SLC41A2: variants seen among roughly 807,000 people sequenced by gnomAD.
The protein encoded by SLC41A2 is solute carrier family 41 member 2, also known as SLC41A1-like 1.
Under a neutral mutation model 58.3 loss-of-function variants are expected in SLC41A2, and 32 were observed. That is an observed-to-expected ratio of 0.55 (90% CI 0.41 to 0.74). The LOEUF is 0.74. SLC41A2 is among the 30% of genes least tolerant of loss of function. The pLI is 0.00. For missense variants in SLC41A2, 514 were observed against 680.6 expected (o/e 0.76, Z 2.72); for synonymous variants, 190 against 235.0 (o/e 0.81, Z 1.75).
rs2043203898 is a variant in SLC41A2 at position 104,861,316 on chromosome 12, A to G, written c.1230T>C (p.Ile410=). 1 of 1,613,380 alleles carries G rather than the reference A, an allele frequency of 6.2e-7. No homozygotes were observed. The highest frequency in any genetic ancestry group is 1.3e-5 in the African/African-American group (1 of 75,028). ...CATTAATAACTGGCGTGTAAACAAC[A>G]ATCCCAACCAAGTTTGGGTCTGATA... ...TTVSDPNLVG[I]VVYTPVINGI... Residue 410 remains isoleucine (I), a synonymous_variant, in exon 8 of 11, where the codon ATT becomes ATC. Coordinates refer to ENST00000258538, the MANE Select transcript of SLC41A2 (RefSeq NM_001352171.3).
chr12:104,876,381 G>T (rs1273505552), intron 6 of SLC41A2, among the ~76,000 whole-genome samples: 1 of 151,942 alleles, frequency 6.6e-6, no homozygotes, highest in Non-Finnish European at 1.5e-5. Flanking sequence ...CTTTCTAAAT[G>T]CAGGTGTTTA....
In SLC41A2 at chr12:104,917,483, C is replaced by T. The variant is rs866434638; in HGVS notation, c.556-7721G>A. Among the ~76,000 whole-genome samples, 897 of 151,930 alleles carry T rather than the reference C, an allele frequency of 5.9e-3. 17 individuals are homozygous for T. Among genetic ancestry groups the T allele is most frequent in the African/African-American group, 0.02 (844 of 41,412 alleles). On this transcript the variant is annotated intron_variant, in intron 2 of 10. Coordinates refer to ENST00000258538, the MANE Select transcript of SLC41A2 (RefSeq NM_001352171.3). ...AGCCATCCCATTACTGGGTATATAC[C>T]CAAAGGACTATAAATCATGCTGCTA... is the stretch of plus-strand genomic sequence containing the variant.
intron 3 of SLC41A2, among the ~76,000 whole-genome samples, chr12:104,901,169 T>A (rs1322267132): frequency 6.6e-6 from 1 of 152,202 alleles, no homozygotes; most frequent in Non-Finnish European, 1.5e-5. Flanking sequence ...CTAGGTGATT[T>A]GCTCCTGGGA....
chr12:104,855,380 CAG>C (rs2042982282), intron 8 of SLC41A2, among the ~76,000 whole-genome samples: 1 of 152,196 alleles, frequency 6.6e-6, no homozygotes. Context: ...CCTTCGCTAT[CAG>C]AGTGACTATG....
At chr12:104,881,552 T>C (rs1178577577) in intron 6 of SLC41A2, among the ~76,000 whole-genome samples, 1 of 152,224 alleles carries the variant, frequency 6.6e-6, no homozygotes, top group African/African-American at 2.4e-5. Context: ...ACATCTTTAT[T>C]TCTGCCCTCA....
chr12:104,878,452 T>A (rs529930110), intron 6 of SLC41A2, among the ~76,000 whole-genome samples: 279 of 151,824 alleles, frequency 1.8e-3, no homozygotes, highest in Middle Eastern at 6.8e-3. Flanking sequence ...CCCAATGCTA[T>A]CCCTCCCCCG....
intron 1 of SLC41A2, among the ~76,000 whole-genome samples, chr12:104,937,577 G>A (rs933197441): frequency 6.6e-6 from 1 of 152,148 alleles, no homozygotes; most frequent in Non-Finnish European, 1.5e-5. Flanking sequence ...TCTATGATAC[G>A]CAATGATGAA....
chr12:104,844,527 T>G lies in SLC41A2; in HGVS notation c.1481A>C (p.His494Pro). 1 of 1,571,138 alleles carries G rather than the reference T, an allele frequency of 6.4e-7. No individual in the cohort carries two copies. Among genetic ancestry groups the G allele is most frequent in the Non-Finnish European group, 8.6e-7 (1 of 1,160,092 alleles). The change falls in exon 10 of 11, where the codon CAT becomes CCT. Residue 494 changes from histidine to proline, a missense_variant. Transcript: ENST00000258538. ...LYTIHLMKSGHTSLTIIFIVV... is the reference protein window; with the variant it reads ...LYTIHLMKSGPTSLTIIFIVV... ...TATGAAGATTATAGTTAAAGAAGTA[T>G]GACCACTTTTCATCAAATGAATAGT...
chr12:104,950,017 G>A (rs566039081), intron 1 of SLC41A2, among the ~76,000 whole-genome samples: 3 of 152,292 alleles, frequency 2.0e-5, no homozygotes, highest in African/African-American at 7.2e-5. Flanking sequence ...GGGAAGGTAT[G>A]AGTAGACTAT....
chr12:104,936,655 A>C (rs1237093364), intron 1 of SLC41A2, among the ~76,000 whole-genome samples: 2 of 152,324 alleles, frequency 1.3e-5, no homozygotes, highest in East Asian at 3.9e-4. Flanking sequence ...AGCACAAGAA[A>C]CACCTGCCCC....
chr12:104,936,666 C>T (rs1459066828), intron 1 of SLC41A2, among the ~76,000 whole-genome samples: 1 of 152,172 alleles, frequency 6.6e-6, no homozygotes, highest in East Asian at 1.9e-4. Flanking sequence ...CACCTGCCCC[C>T]GTAATTCAGT....
chr12:104,910,870 T>C (rs1166522688), intron 2 of SLC41A2, among the ~76,000 whole-genome samples: 1 of 152,228 alleles, frequency 6.6e-6, no homozygotes, highest in South Asian at 2.1e-4. Flanking sequence ...ATCTACATTC[T>C]GTAGCAAAAC....
chr12:104,808,580 A>G (rs973725912), intron 10 of SLC41A2, among the ~76,000 whole-genome samples: 1 of 152,204 alleles, frequency 6.6e-6, no homozygotes, highest in African/African-American at 2.4e-5. Flanking sequence ...TGCTGGCCTC[A>G]TAAAATGAGT....
intron 5 of SLC41A2, 21 bp downstream of exon 5, chr12:104,889,012 G>C (rs1267972867): frequency 1.3e-6 from 2 of 1,551,942 alleles, no homozygotes; most frequent in South Asian, 1.3e-5. Context: ...CTATAGAGTA[G>C]ACATTTATAA....
At chr12:104,896,103 C>T (rs2045268672) in intron 3 of SLC41A2, among the ~76,000 whole-genome samples, 1 of 152,144 alleles carries the variant, frequency 6.6e-6, no homozygotes, top group Non-Finnish European at 1.5e-5. Flanking sequence ...ATCTGCTTTG[C>T]TATGAAAGAC....
chr12:104,850,454 T>C (rs1843346178), intron 8 of SLC41A2, among the ~76,000 whole-genome samples: 1 of 152,186 alleles, frequency 6.6e-6, no homozygotes, highest in Admixed American at 6.5e-5. Context: ...ATATTACCTA[T>C]ATATCACCTA....
intron 10 of SLC41A2, among the ~76,000 whole-genome samples, chr12:104,832,750 A>C (rs989839891): frequency 1.3e-5 from 2 of 151,308 alleles, no homozygotes; most frequent in African/African-American, 4.9e-5. Flanking sequence ...GCTAAAAAGA[A>C]AAAAAAAAGG....
At chr12:104,887,875 C>T (rs138451285) in intron 5 of SLC41A2, among the ~76,000 whole-genome samples, 188 of 152,016 alleles carry the variant, frequency 1.2e-3, no homozygotes, top group Middle Eastern at 6.8e-3. Context: ...TACTAAAGTG[C>T]TTATAAAGGT....
At chr12:104,938,417 C>A (rs1029140413) in intron 1 of SLC41A2, among the ~76,000 whole-genome samples, 1 of 152,208 alleles carries the variant, frequency 6.6e-6, no homozygotes, top group African/African-American at 2.4e-5. Flanking sequence ...CTCGTCTCTA[C>A]CTGTTGCCAT....
Sources: allele counts gnomAD v4.1 joint callset (sites outside exome capture counted in the v4.1 genomes callset), GRCh38; gene constraint gnomAD v4.1.1; transcripts MANE v1.5; gene names NCBI Gene and HGNC (gene_info 2026-07-23, HGNC 2026-07-21).